PTPRG: variants seen among roughly 807,000 people sequenced by gnomAD.
PTPRG encodes receptor-type tyrosine-protein phosphatase gamma.
In PTPRG, 102 loss-of-function variants were observed where a neutral mutation model predicts 165.3. The observed-to-expected ratio is 0.62, with a 90% confidence interval of 0.53 to 0.73. The LOEUF (loss-of-function observed/expected upper bound fraction) is 0.73. Ranked by LOEUF, PTPRG falls within the 30% of genes least tolerant of loss-of-function variation. PTPRG has a pLI of 0.00. For missense variants in PTPRG, 1,866 were observed against 1,861.4 expected, an observed-to-expected ratio of 1.00 and a Z score of -0.05; for synonymous variants, 675 against 669.5, an observed-to-expected ratio of 1.01 and a Z score of -0.13.
intron 1 of PTPRG, among the ~76,000 whole-genome samples, chr3:61,706,157 A>T (rs1257380164): frequency 6.6e-6 from 1 of 152,124 alleles, no homozygotes; most frequent in Non-Finnish European, 1.5e-5. Context: ...GAGAGCTTTT[A>T]AAATTTTGGG....
intron 4 of PTPRG, among the ~76,000 whole-genome samples, chr3:62,024,963 G>A (rs1295266425): frequency 6.6e-6 from 1 of 152,140 alleles, no homozygotes; most frequent in Non-Finnish European, 1.5e-5. Flanking sequence ...TGCCTCTGTT[G>A]TGTCGACCTA....
At chr3:62,098,427 T>C (rs1039034081) in intron 5 of PTPRG, among the ~76,000 whole-genome samples, 1 of 152,216 alleles carries the variant, frequency 6.6e-6, no homozygotes, top group Admixed American at 6.5e-5. Context: ...AAGGGACTTA[T>C]GCATCTGTGG....
intron 5 of PTPRG, among the ~76,000 whole-genome samples, chr3:62,104,269 T>G (rs886805478): frequency 6.6e-6 from 1 of 152,208 alleles, no homozygotes; most frequent in Non-Finnish European, 1.5e-5. Context: ...GTGAAATGAT[T>G]GTATATAGCC....
At chr3:62,225,656 C>A (rs914821113) in intron 13 of PTPRG, among the ~76,000 whole-genome samples, 2 of 150,490 alleles carry the variant, frequency 1.3e-5, no homozygotes, top group African/African-American at 2.4e-5. Flanking sequence ...AAGCAAAAAA[C>A]CTTTTTTTTT....
intron 3 of PTPRG, among the ~76,000 whole-genome samples, chr3:61,997,652 T>C (rs535787050): frequency 1.1e-4 from 16 of 152,336 alleles, no homozygotes; most frequent in African/African-American, 3.8e-4. Context: ...GTTGTCTGTT[T>C]AGTTCTTGGG....
chr3:62,166,197 CTTTTTTTTTTTTTTTTTTTTTT>C (rs564761041), intron 7 of PTPRG, among the ~76,000 whole-genome samples: 3 of 53,900 alleles, frequency 5.6e-5, no homozygotes, highest in Admixed American at 2.3e-4. Flanking sequence ...AATTACAGTT[CTTTTTTTTTTTTTTTTTTTTTT>C]TTTTTTTTTT....
chr3:61,910,091 T>C (rs2038761967), intron 2 of PTPRG, among the ~76,000 whole-genome samples: 1 of 152,188 alleles, frequency 6.6e-6, no homozygotes, highest in African/African-American at 2.4e-5. Context: ...GTGTGATATA[T>C]CTCATTATGC....
chr3:61,650,893 T>G lies in PTPRG; in HGVS notation c.85+88521T>G, dbSNP rs114937756. Reference sequence around the variant, plus strand: ...GTTTACTTTATGATGTAAACTAATTTTTACTACCAATAAAAGTTTTAGGAA... The same window carrying G: ...GTTTACTTTATGATGTAAACTAATTGTTACTACCAATAAAAGTTTTAGGAA... On this transcript the variant is annotated intron_variant, in intron 1 of 29. Transcript: ENST00000474889. 8.9e-3 allele frequency among the ~76,000 whole-genome samples: 1,354 copies of G among 152,324 alleles called. 22 individuals carry two copies. Among genetic ancestry groups the G allele is most frequent in the African/African-American group, 0.031 (1,294 of 41,556 alleles).
At chr3:62,058,566 A>G (rs975028446) in intron 4 of PTPRG, among the ~76,000 whole-genome samples, 2 of 151,992 alleles carry the variant, frequency 1.3e-5, no homozygotes, top group Admixed American at 6.6e-5. Context: ...AAAGTCACCT[A>G]TGGATACTGC....
At chr3:61,800,572 T>G (rs1408557506) in intron 2 of PTPRG, among the ~76,000 whole-genome samples, 1 of 151,920 alleles carries the variant, frequency 6.6e-6, no homozygotes, top group African/African-American at 2.4e-5. Flanking sequence ...TGTTTCAAGT[T>G]GGGTGAAGAA....
chr3:61,630,933 G>A (rs934385379), intron 1 of PTPRG, among the ~76,000 whole-genome samples: 1 of 152,156 alleles, frequency 6.6e-6, no homozygotes, highest in African/African-American at 2.4e-5. Flanking sequence ...GCACGCGCCT[G>A]TAGTCCCAGC....
chr3:61,779,265 C>T (rs140830213), intron 2 of PTPRG, among the ~76,000 whole-genome samples: 1 of 152,250 alleles, frequency 6.6e-6, no homozygotes, highest in East Asian at 1.9e-4. Flanking sequence ...GGGGAAACAT[C>T]AGATGAATCC....
At chr3:61,600,186 A>ATGTGTGTGTGTGTGTGTGTGTGTGTGTG (rs1189934671) in intron 1 of PTPRG, among the ~76,000 whole-genome samples, 2 of 116,004 alleles carry the variant, frequency 1.7e-5, no homozygotes, top group African/African-American at 6.1e-5. Flanking sequence ...ATATATATAT[A>ATGTGTGTGTGTGTGTGTGTGTGTGTGTG]TATATATGTG....
chr3:61,788,118 A>T (rs1408436761), intron 2 of PTPRG, among the ~76,000 whole-genome samples: 5 of 152,108 alleles, frequency 3.3e-5, no homozygotes, highest in African/African-American at 1.2e-4. Flanking sequence ...TCCTTTTCCC[A>T]GTTTAAAAGT....
At chr3:61,856,247 C>G (rs2037102671) in intron 2 of PTPRG, among the ~76,000 whole-genome samples, 1 of 152,102 alleles carries the variant, frequency 6.6e-6, no homozygotes, top group East Asian at 1.9e-4. Flanking sequence ...TTATCTAGTT[C>G]CAGAACATTT....
intron 2 of PTPRG, among the ~76,000 whole-genome samples, chr3:61,846,407 C>T (rs779581190): frequency 1.4e-4 from 21 of 152,110 alleles, no homozygotes; most frequent in Non-Finnish European, 2.4e-4. Flanking sequence ...GCCACTGGGG[C>T]AGCTCAAGAA....
chr3:61,908,049 A>G (rs551376963), intron 2 of PTPRG, among the ~76,000 whole-genome samples: 5 of 145,096 alleles, frequency 3.4e-5, no homozygotes, highest in African/African-American at 1.0e-4. Context: ...TGAGCCCAAG[A>G]GTTCGAGGCT....
chr3:61,764,638 C>G (rs682789), intron 2 of PTPRG, among the ~76,000 whole-genome samples: 89,145 of 151,910 alleles, frequency 0.59, 26,381 homozygotes, highest in Admixed American at 0.66. Flanking sequence ...AGCCTTGTGG[C>G]TATGTGAGGT....
Position 62,252,806 on chromosome 3 carries a change from G to T in PTPRG, c.2468-2318G>T, listed in dbSNP as rs1198679889. ...TTATCTTGATTGCAGGGCAAATGCT[G>T]TATTATCTGGGTAGCTGACAGTGGT... On this transcript the variant is annotated intron_variant, in intron 15 of 29. Coordinates refer to ENST00000474889, the MANE Select transcript of PTPRG (RefSeq NM_002841.4). This position sits in a 1 kb window ranked among gnomAD's most constrained non-coding sequence, Gnocchi z 4.6. Among the ~76,000 whole-genome samples the T allele has an allele frequency of 6.6e-6, 1 of 152,210 alleles. No individual in the cohort carries two copies. Among genetic ancestry groups the T allele is most frequent in the East Asian group, 1.9e-4 (1 of 5,200 alleles).
Sources: allele counts gnomAD v4.1 joint callset (sites outside exome capture counted in the v4.1 genomes callset), GRCh38; gene constraint gnomAD v4.1.1; non-coding constraint Gnocchi (gnomAD v3.1); transcripts MANE v1.5; gene names NCBI Gene and HGNC (gene_info 2026-07-23, HGNC 2026-07-21).